The following ITPRID1 variants were observed in gnomAD, a reference collection of about 807,000 sequenced individuals.
ITPRID1 encodes the protein protein ITPRID1.
Under a neutral mutation model 95.4 loss-of-function variants are expected in ITPRID1, and 96 were observed. The ratio of observed to expected loss-of-function variants is 1.01; its 90% confidence interval spans 0.85 to 1.19. The LOEUF (loss-of-function observed/expected upper bound fraction) is 1.19, where lower values mean the gene tolerates loss of function less well. ITPRID1 is among the 50% of genes most tolerant of loss of function. The probability of loss-of-function intolerance (pLI) is 0.00; values close to 1 mark genes in which losing one functional copy is unlikely to be tolerated. For missense variants in ITPRID1, 1,339 were observed against 1,252.9 expected (o/e 1.07, Z -1.04); for synonymous variants, 510 against 453.6 (o/e 1.12, Z -1.58).
At chr7:31,587,219 T>C (rs1035624598) in intron 10 of ITPRID1, among the ~76,000 whole-genome samples, 1 of 152,222 alleles carries the variant, frequency 6.6e-6, no homozygotes, top group African/African-American at 2.4e-5. Flanking sequence ...GCAGATGATA[T>C]GATTGTATAT....
intron 10 of ITPRID1, among the ~76,000 whole-genome samples, chr7:31,586,610 A>C (rs1247042935): frequency 6.6e-6 from 1 of 151,670 alleles, no homozygotes; most frequent in East Asian, 1.9e-4. Context: ...GCATTTTTTC[A>C]TGTGTTTTTT....
rs1583514020 is a variant in ITPRID1, at chr7:31,572,139, A to G, written c.346A>G (p.Arg116Gly). 1.2e-6 allele frequency: 2 copies of G among 1,611,872 alleles called. No homozygotes were observed. The highest frequency in any genetic ancestry group is 1.3e-5 in the African/African-American group (1 of 74,900). ...HQFSETPILS[R>G]GTSFNSCYST... ...GTTTTCAGAAACTCCCATCCTATCC[A>G]GAGGGACCAGTTTCAACTCTTGCTA... Residue 116 changes from arginine (R) to glycine (G), a missense_variant, in exon 7 of 15, where the codon AGA (arginine) becomes GGA (glycine). Transcript: ENST00000615280.
At position 31,578,058 on chromosome 7, in the gene ITPRID1, T is replaced by TCAG. The variant is rs1785251759; in HGVS notation, c.795_797dup (p.Ile265_Arg266insSer). 1 of 1,613,798 alleles carries TCAG rather than the reference T, an allele frequency of 6.2e-7. No homozygotes were observed. The highest frequency in any genetic ancestry group is 8.5e-7 in the Non-Finnish European group (1 of 1,179,842). ...TTAAGGAGAGCTTCCAAACAGAACATCAGGCGGGATTGTAACCCAGAGGTA... is the reference window on the plus strand; with the variant it reads ...TTAAGGAGAGCTTCCAAACAGAACATCAGCAGGCGGGATTGTAACCCAGAGGTA... On this transcript the variant is annotated inframe_insertion, in exon 9 of 15. Coordinates refer to ENST00000615280, the MANE Select transcript of ITPRID1 (RefSeq NM_001257967.3).
rs565128564 is a variant in ITPRID1 at position 31,601,282 on chromosome 7, G to A, written c.1228+18091G>A. Among the ~76,000 whole-genome samples the A allele has an allele frequency of 6.6e-5, 10 of 152,324 alleles. No homozygotes were observed. In the East Asian group the frequency reaches 1.9e-3, roughly 29 times the overall value. The stretch of plus-strand genomic sequence containing the variant: ...ATTCTTGGCAATGTTTATTGAATGA[G>A]TACTTACTGAGGCTTCAGTCACTTT... On this transcript the variant is annotated intron_variant, in intron 10 of 14. Coordinates refer to ENST00000615280, the MANE Select transcript of ITPRID1 (RefSeq NM_001257967.3).
At chr7:31,579,852 G>GAAT (rs1053022062) in intron 9 of ITPRID1, among the ~76,000 whole-genome samples, 1 of 152,012 alleles carries the variant, frequency 6.6e-6, no homozygotes, top group Non-Finnish European at 1.5e-5. Flanking sequence ...GCATTAAAAT[G>GAAT]AATAATAATA....
chr7:31,523,605 G>C (rs562956403), intron 1 of ITPRID1, among the ~76,000 whole-genome samples: 1 of 152,304 alleles, frequency 6.6e-6, no homozygotes, highest in East Asian at 1.9e-4. Context: ...TCCTGGCTTG[G>C]TCCTGTCCTC....
chr7:31,540,575 G>A (rs568627011), intron 1 of ITPRID1, among the ~76,000 whole-genome samples: 1 of 152,124 alleles, frequency 6.6e-6, no homozygotes, highest in African/African-American at 2.4e-5. Flanking sequence ...GGTAGGACTG[G>A]TTTGCTTTAT....
At chr7:31,537,095 TTGTGTGTGTGTG>T (rs66543091) in intron 1 of ITPRID1, among the ~76,000 whole-genome samples, 22 of 145,672 alleles carry the variant, frequency 1.5e-4, no homozygotes, top group South Asian at 2.2e-4. Context: ...GGTGTGTGTG[TTGTGTGTGTGTG>T]TGTGTGTGTG....
At chr7:31,657,746 T>C (rs974720629), downstream of ITPRID1, among the ~76,000 whole-genome samples, 2 of 152,174 alleles carry the variant, frequency 1.3e-5, no homozygotes, top group Non-Finnish European at 2.9e-5. Context: ...AGATCACATA[T>C]TTGAAAATAA....
downstream of ITPRID1, among the ~76,000 whole-genome samples, chr7:31,657,129 AATAT>A (rs1162267104): frequency 1.3e-5 from 2 of 148,476 alleles, no homozygotes; most frequent in African/African-American, 2.5e-5. Flanking sequence ...ATATATATCA[AATAT>A]ATATAATCAT....
At chr7:31,561,483 A>C (rs1036052820) in intron 5 of ITPRID1, among the ~76,000 whole-genome samples, 1 of 152,200 alleles carries the variant, frequency 6.6e-6, no homozygotes, top group East Asian at 1.9e-4. Context: ...TTGCTGATAG[A>C]AATGATTTGG....
chr7:31,516,672 A>G (rs1220636577), intron 1 of ITPRID1, among the ~76,000 whole-genome samples: 1 of 152,240 alleles, frequency 6.6e-6, no homozygotes, highest in Non-Finnish European at 1.5e-5. Flanking sequence ...ATGCTTAGAT[A>G]AACTCAATTA....
chr7:31,536,282 T>C (rs1008469722), intron 1 of ITPRID1, among the ~76,000 whole-genome samples: 21 of 152,218 alleles, frequency 1.4e-4, no homozygotes, highest in Admixed American at 9.2e-4. Context: ...TCTTCATTTC[T>C]AGTACCACAT....
At chr7:31,552,405 T>G (rs1219967493) in intron 2 of ITPRID1, among the ~76,000 whole-genome samples, 1 of 152,188 alleles carries the variant, frequency 6.6e-6, no homozygotes, top group Admixed American at 6.5e-5. Context: ...ACAATTAAGT[T>G]AAATAATGAA....
chr7:31,617,704 C>T (rs1787395055), intron 10 of ITPRID1, among the ~76,000 whole-genome samples: 1 of 151,796 alleles, frequency 6.6e-6, no homozygotes. Flanking sequence ...ATTAGTGCTC[C>T]CTCCGACCCC....
At chr7:31,578,769 C>A (rs981564119) in intron 9 of ITPRID1, among the ~76,000 whole-genome samples, 2 of 152,122 alleles carry the variant, frequency 1.3e-5, no homozygotes, top group African/African-American at 4.8e-5. Flanking sequence ...TTATCTTCTT[C>A]GAGGATCAGT....
Position 31,651,217 on chromosome 7 carries a change from C to T in ITPRID1, c.2659C>T (p.His887Tyr), listed in dbSNP as rs7799540. 8.8e-3 allele frequency: 14,265 copies of T among 1,613,472 alleles called. 899 individuals carry two copies. In the African/African-American group the frequency reaches 0.15, roughly 17 times the overall value. ...GGAGTATTTAGAAGAAATTGAACAG[C>T]ACCTTATGGGACAGCAGGCCCTCTT... ...FREYLEEIEQHLMGQQALFSR... is the reference protein window; with the variant it reads ...FREYLEEIEQYLMGQQALFSR... The change falls in exon 13 of 15, where the codon CAC becomes TAC. Residue 887 changes from histidine to tyrosine, a missense_variant. His to Tyr is a moderately conservative substitution (Grantham distance 83, BLOSUM62 2). Transcript: ENST00000615280.
At chr7:31,633,139 C>T (rs916524831) in intron 10 of ITPRID1, among the ~76,000 whole-genome samples, 3 of 151,910 alleles carry the variant, frequency 2.0e-5, no homozygotes, top group Non-Finnish European at 4.4e-5. Flanking sequence ...CCTGCCTCAG[C>T]CTCCCAAAGT....
At position 31,599,690 on chromosome 7, in the gene ITPRID1, C is replaced by CTCTCTCTTTCTT. The variant is rs1180791810; in HGVS notation, c.1228+16502_1228+16503insCTCTTTCTTTCT. 1.9e-3 allele frequency among the ~76,000 whole-genome samples: 198 copies of CTCTCTCTTTCTT among 106,698 alleles called. 5 individuals are homozygous for CTCTCTCTTTCTT. Among genetic ancestry groups the CTCTCTCTTTCTT allele is most frequent in the African/African-American group, 8.1e-3 (184 of 22,760 alleles). 70.0% of individuals were successfully genotyped at this position (106,698 alleles called of 152,430 possible). ...TCTCTCTCTCTCTCTCTCTCTCTCTCTCTTTCTTTCTTTCTTTCTTTCTCT... is the reference window on the plus strand; with the variant it reads ...TCTCTCTCTCTCTCTCTCTCTCTCTCTCTCTCTTTCTTTCTTTCTTTCTTTCTTTCTTTCTCT... On this transcript the variant is annotated intron_variant, in intron 10 of 14. Transcript: ENST00000615280.
Sources: allele counts gnomAD v4.1 joint callset (sites outside exome capture counted in the v4.1 genomes callset), GRCh38; gene constraint gnomAD v4.1.1; transcripts MANE v1.5; gene names NCBI Gene and HGNC (gene_info 2026-07-23, HGNC 2026-07-21).